The following STOML2 variants were observed in gnomAD, a reference collection of about 807,000 sequenced individuals.
STOML2 encodes the protein stomatin like 2.
STOML2 carries 22 observed loss-of-function variants against 45.7 expected under a neutral mutation model. That is an observed-to-expected ratio of 0.48 (90% CI 0.34 to 0.69). The LOEUF is 0.69. Among genes scored for constraint, STOML2 ranks in the 30% least tolerant of loss-of-function variants. STOML2 has a pLI of 0.01. For missense variants in STOML2, 359 were observed against 466.9 expected (o/e 0.77, Z 2.13); for synonymous variants, 181 against 182.7 (o/e 0.99, Z 0.08).
At chr9:35,100,831 G>A in intron 8 of STOML2, 101 bp downstream of exon 8, 1 of 1,610,494 alleles carries the variant, frequency 6.2e-7, no homozygotes, top group South Asian at 1.1e-5. Context: ...ATGTAATCTG[G>A]CTCAACAGAG....
rs1159322172 is a variant in STOML2 at position 35,101,450 on chromosome 9, C to G, written c.555G>C (p.Arg185=). 6.2e-7 allele frequency: 1 copy of G among 1,614,148 alleles called. No homozygotes were observed. Among genetic ancestry groups the G allele is most frequent in the Non-Finnish European group, 8.5e-7 (1 of 1,180,034 alleles). Residue 185 remains arginine, a synonymous_variant, in exon 6 of 10, where the codon CGG becomes CGC. Transcript: ENST00000356493. This position sits in a 1 kb window ranked among gnomAD's most constrained non-coding sequence, Gnocchi z 4.3. ...CCTGCATCTGCATAGACTCTTTCAC[C>G]CGGGGTGGCACATGGATATCCTTGA... ...YEIKDIHVPP[R]VKESMQMQVE...
Position 35,102,165 on chromosome 9 carries a change from G to C in STOML2, c.213C>G (p.Asp71Glu). 2.5e-6 allele frequency: 4 copies of C among 1,613,968 alleles called. No homozygotes were observed. Among genetic ancestry groups the C allele is most frequent in the Non-Finnish European group, 3.4e-6 (4 of 1,179,982 alleles). The change falls in exon 3 of 10, where the codon GAC becomes GAG. Residue 71 changes from aspartate (D) to glutamate (E), a missense_variant. Transcript: ENST00000356493. The surrounding 1 kb of genome is among the most constrained non-coding windows in gnomAD (Gnocchi z 4.8). Reference protein sequence around the residue: ...PGLNILIPVLDRIRYVQSLKE... With the variant: ...PGLNILIPVLERIRYVQSLKE... ...TGAGACTCTGCACATATCGGATCCG[G>C]TCTAACACAGGGATGAGGATGTTCA... is the stretch of plus-strand genomic sequence containing the variant.
intron 1 of STOML2, 45 bp downstream of exon 1, chr9:35,103,005 G>C (rs377182581): frequency 5.3e-5 from 85 of 1,610,324 alleles, no homozygotes; most frequent in Non-Finnish European, 6.8e-5. Context: ...GGAGAACCCA[G>C]GTAATCTCTG....
Position 35,101,410 on chromosome 9 carries a change from C to T in STOML2, c.579+16G>A. 2 of 1,613,984 alleles carry T rather than the reference C, an allele frequency of 1.2e-6. No individual in the cohort carries two copies. Among genetic ancestry groups the T allele is most frequent in the Non-Finnish European group, 1.7e-6 (2 of 1,179,912 alleles). On this transcript the variant is annotated intron_variant, in intron 6 of 9. Coordinates refer to ENST00000356493, the MANE Select transcript of STOML2 (RefSeq NM_013442.3). The surrounding 1 kb of genome is among the most constrained non-coding windows in gnomAD (Gnocchi z 4.3). ...AGCACCCTGAGGCCCTTTTCCCACC[C>T]CTCCTTGGCCCCCACCTGCATCTGC...
chr9:35,101,540 G>A lies in STOML2; in HGVS notation c.465C>T (p.Ala155=), dbSNP rs779859647. Residue 155 remains alanine, a synonymous_variant, in exon 6 of 10, where the codon GCC becomes GCT. Coordinates refer to ENST00000356493, the MANE Select transcript of STOML2 (RefSeq NM_013442.3). This position sits in a 1 kb window ranked among gnomAD's most constrained non-coding sequence, Gnocchi z 4.3. ...KVFRERESLN[A]SIVDAINQAA... ...CTTGGTTGATGGCATCCACAATGCT[G>A]GCATTCAGGGACTCCCGTTCCTGGA... 13 of 1,614,086 alleles carry A rather than the reference G, an allele frequency of 8.1e-6. No homozygotes were observed. The South Asian group carries it at 8.8e-5, about 11-fold the overall frequency.
chr9:35,101,342 AC>A lies in STOML2; in HGVS notation c.580-64del. The A allele has an allele frequency of 6.2e-7, 1 of 1,612,558 alleles. No individual in the cohort carries two copies. The highest frequency in any genetic ancestry group is 1.1e-5 in the South Asian group (1 of 91,032). On this transcript the variant is annotated intron_variant, in intron 6 of 9. Coordinates refer to ENST00000356493, the MANE Select transcript of STOML2 (RefSeq NM_013442.3). The surrounding 1 kb of genome is among the most constrained non-coding windows in gnomAD (Gnocchi z 4.3). ...GAGACTGATACAGACATGCAACTCTACCCATCATAACAGGAGGGAAGTCTGG... is the reference window on the plus strand; with the variant it reads ...GAGACTGATACAGACATGCAACTCTACCATCATAACAGGAGGGAAGTCTGG...
At position 35,102,005 on chromosome 9, in the gene STOML2, G is replaced by A; in HGVS notation, c.284-43C>T. 2 of 1,613,432 alleles carry A rather than the reference G, an allele frequency of 1.2e-6. No individual in the cohort carries two copies. The highest frequency in any genetic ancestry group is 2.2e-5 in the East Asian group (1 of 44,880). ...AAAACGGGGAAAGTCAGGCCTCTAG[G>A]TCCCAACCAGTTCTTTCTACTAAGC... On this transcript the variant is annotated intron_variant, in intron 3 of 9. Transcript: ENST00000356493. The surrounding 1 kb of genome is among the most constrained non-coding windows in gnomAD (Gnocchi z 4.8).
Position 35,100,742 on chromosome 9 carries a change from G to T in STOML2, c.805-16C>A, listed in dbSNP as rs779987913. ...CATCTCCATTCTGTGATCACAGGGG[G>T]ATAAAAATCAGAGATCACCGATACG... On this transcript the variant is annotated splice_polypyrimidine_tract_variant and intron_variant, in intron 8 of 9. Coordinates refer to ENST00000356493, the MANE Select transcript of STOML2 (RefSeq NM_013442.3). 3 of 1,613,974 alleles carry T rather than the reference G, an allele frequency of 1.9e-6. No individual in the cohort carries two copies. Among genetic ancestry groups the T allele is most frequent in the South Asian group, 2.2e-5 (2 of 91,016 alleles).
rs1368409984 is a variant in STOML2 at position 35,101,675 on chromosome 9, T to C, written c.444+35A>G. The C allele has an allele frequency of 6.2e-7, 1 of 1,613,730 alleles. No homozygotes were observed. Among genetic ancestry groups the C allele is most frequent in the South Asian group, 1.1e-5 (1 of 91,062 alleles). ...AAAGATTAAGAGTGTCAGGTTTGTG[T>C]CTTCAAACCCTAACTCTGGCTCAGA... On this transcript the variant is annotated intron_variant, in intron 5 of 9. Transcript: ENST00000356493. This position sits in a 1 kb window ranked among gnomAD's most constrained non-coding sequence, Gnocchi z 4.3.
At position 35,100,455 on chromosome 9, in the gene STOML2, C is replaced by T. The variant is rs143838982; in HGVS notation, c.933+143G>A. The T allele has an allele frequency of 6.4e-3, 7,433 of 1,156,942 alleles. 44 individuals are homozygous for T. Among genetic ancestry groups the T allele is most frequent in the South Asian group, 0.015 (1,006 of 68,304 alleles). The allele number at this position is 1,156,942 out of a possible 1,614,324, so 71.7% of individuals were successfully genotyped here. A position where few individuals can be genotyped will look rare whatever the true frequency, so the allele number is the denominator to read the frequency against. On this transcript the variant is annotated intron_variant, in intron 9 of 9. Transcript: ENST00000356493. ...AGTGGAGATGTTTCATTCTTAGATT[C>T]CATCTCTACAAAGAATGAAGGGAGG...
rs1349495174 is a variant in STOML2 at position 35,101,072 on chromosome 9, C to T, written c.725-61G>A. ...AAGTCAAAGTACCCCAAAGATCCTG[C>T]CCCAGCACCAATCTTCAAAGGCCCA... On this transcript the variant is annotated intron_variant, in intron 7 of 9. Transcript: ENST00000356493. The surrounding 1 kb of genome is among the most constrained non-coding windows in gnomAD (Gnocchi z 4.3). 3 of 1,612,566 alleles carry T rather than the reference C, an allele frequency of 1.9e-6. No homozygotes were observed. The African/African-American group carries it at 4.0e-5, about 22-fold the overall frequency.
Position 35,101,900 on chromosome 9 carries a change from G to T in STOML2, c.342+4C>A. 1 of 1,614,176 alleles carries T rather than the reference G, an allele frequency of 6.2e-7. No homozygotes were observed. Among genetic ancestry groups the T allele is most frequent in the Non-Finnish European group, 8.5e-7 (1 of 1,180,016 alleles). On this transcript the variant is annotated splice_donor_region_variant and intron_variant, in intron 4 of 9. Coordinates refer to ENST00000356493, the MANE Select transcript of STOML2 (RefSeq NM_013442.3). The surrounding 1 kb of genome is among the most constrained non-coding windows in gnomAD (Gnocchi z 4.3). The stretch of plus-strand genomic sequence containing the variant: ...AAAGGCTGGATAAAGTAGGGGACAG[G>T]TACCTTGTAAGGGTCCATGATGCGC...
In STOML2 at chr9:35,103,061, G is replaced by A; in HGVS notation, c.34C>T (p.Leu12Phe). The part of the protein sequence containing the change: ...LARAARGTGA[L>F]LLRGSLLASG... ...TGCCTCGCTCTCACCCTCAGCAAAAGGGCCCCAGTGCCCCGCGCCGCGCGC... is the reference window on the plus strand; with the variant it reads ...TGCCTCGCTCTCACCCTCAGCAAAAAGGCCCCAGTGCCCCGCGCCGCGCGC... The change falls in exon 1 of 10, where the codon CTT (leucine) becomes TTT (phenylalanine). Residue 12 changes from leucine (L) to phenylalanine (F), a missense_variant. Physicochemically the swap from Leu to Phe is conservative, Grantham distance 22 (BLOSUM62 0). Coordinates refer to ENST00000356493, the MANE Select transcript of STOML2 (RefSeq NM_013442.3). 1.2e-6 allele frequency: 2 copies of A among 1,614,066 alleles called. No homozygotes were observed. The highest frequency in any genetic ancestry group is 1.1e-5 in the South Asian group (1 of 91,074).
rs894735369 is a variant in STOML2, at chr9:35,103,078, G to C, written c.17C>G (p.Ala6Gly). Residue 6 changes from alanine (A) to glycine (G), a missense_variant, in exon 1 of 10, where the codon GCG becomes GGG. Physicochemically the swap from Ala to Gly is moderately conservative, Grantham distance 60. This residue lies in a region of STOML2 where 74 missense variants were observed against 45.0 expected (regional missense o/e 1.65). Coordinates refer to ENST00000356493, the MANE Select transcript of STOML2 (RefSeq NM_013442.3). MLARAARGTGALLLRG... is the reference protein window; with the variant it reads MLARAGRGTGALLLRG... ...CAGCAAAAGGGCCCCAGTGCCCCGCGCCGCGCGCGCCAGCATTTCCCACCG... is the reference window on the plus strand; with the variant it reads ...CAGCAAAAGGGCCCCAGTGCCCCGCCCCGCGCGCGCCAGCATTTCCCACCG... The C allele has an allele frequency of 1.2e-6, 2 of 1,613,858 alleles. No homozygotes were observed. The highest frequency in any genetic ancestry group is 2.7e-5 in the African/African-American group (2 of 75,058).
Position 35,100,741 on chromosome 9 carries a change from G to T in STOML2, c.805-15C>A. 6.2e-7 allele frequency: 1 copy of T among 1,613,956 alleles called. No homozygotes were observed. Among genetic ancestry groups the T allele is most frequent in the Non-Finnish European group, 8.5e-7 (1 of 1,180,006 alleles). ...GCATCTCCATTCTGTGATCACAGGG[G>T]GATAAAAATCAGAGATCACCGATAC... On this transcript the variant is annotated splice_polypyrimidine_tract_variant and intron_variant, in intron 8 of 9. Transcript: ENST00000356493.
chr9:35,100,981 T>C lies in STOML2; in HGVS notation c.755A>G (p.Lys252Arg), dbSNP rs1390739688. Residue 252 changes from lysine (K) to arginine (R), a missense_variant, in exon 8 of 10, where the codon AAG (lysine) becomes AGG (arginine). Around this residue, in one of 2 missense-constraint regions of STOML2, gnomAD observed 285 missense variants for 422.0 expected, o/e 0.68. Coordinates refer to ENST00000356493, the MANE Select transcript of STOML2 (RefSeq NM_013442.3). ...GATTCGAATAGCTTCAGCTTTAGCC[T>C]TGGCCTTCGCCAGAACTGCACTGGC... ...GEASAVLAKA[K>R]AKAEAIRILA... 1 of 1,614,208 alleles carries C rather than the reference T, an allele frequency of 6.2e-7. No homozygotes were observed. The highest frequency in any genetic ancestry group is 8.5e-7 in the Non-Finnish European group (1 of 1,180,032).
chr9:35,100,780 G>T, intron 8 of STOML2, 54 bp from the exon 9 acceptor site: 1 of 1,613,602 alleles, frequency 6.2e-7, no homozygotes, highest in South Asian at 1.1e-5. Flanking sequence ...GAAGAAGGGG[G>T]GGATGGGGAA....
chr9:35,100,200 T>C (rs1474534839), intron 9 of STOML2, 28 bp from the exon 10 acceptor site: 9 of 1,610,630 alleles, frequency 5.6e-6, no homozygotes, highest in Middle Eastern at 1.7e-4. Context: ...GAGAATACCA[T>C]GAGGACACTT....
At position 35,101,111 on chromosome 9, in the gene STOML2, C is replaced by G. The variant is rs1403920682; in HGVS notation, c.724+24G>C. The G allele has an allele frequency of 3.1e-6, 5 of 1,614,158 alleles. No homozygotes were observed. The highest frequency in any genetic ancestry group is 4.2e-6 in the Non-Finnish European group (5 of 1,179,970). On this transcript the variant is annotated intron_variant, in intron 7 of 9. Transcript: ENST00000356493. The surrounding 1 kb of genome is among the most constrained non-coding windows in gnomAD (Gnocchi z 4.3). ...TTCAAAGGCCCATGCCTTGCTCCTC[C>G]CTCAGCCTCTACCCTCTCCTGACCT...
Sources: gnomAD v4.1 joint callset for allele counts on GRCh38, gnomAD v4.1.1 for gene constraint, gnomAD v4.1.1 regional missense constraint, Gnocchi (gnomAD v3.1) non-coding constraint, MANE v1.5 for transcripts, NCBI Gene and HGNC (gene_info 2026-07-23, HGNC 2026-07-21) for gene names.